ZNF516: variants seen among roughly 807,000 people sequenced by gnomAD.
The protein encoded by ZNF516 is zinc finger protein 516.
A neutral mutation model predicts 79.7 loss-of-function variants in ZNF516; 19 were observed. The observed-to-expected ratio is 0.24, with a 90% CI of 0.17 to 0.35. ZNF516 has a LOEUF of 0.35. Among genes scored for constraint, ZNF516 ranks in the 10% least tolerant of loss-of-function variants. The probability of loss-of-function intolerance (pLI) is 1.00; values close to 1 mark genes in which losing one functional copy is unlikely to be tolerated. For missense variants in ZNF516, 1,678 were observed against 1,679.5 expected, an observed-to-expected ratio of 1.00 and a Z score of 0.02; for synonymous variants, 877 against 739.5, an observed-to-expected ratio of 1.19 and a Z score of -3.02.
chr18:76,371,487 G>A lies in ZNF516; in HGVS notation c.3344C>T (p.Ala1115Val), dbSNP rs767343644. Residue 1115 changes from alanine (A) to valine (V), a missense_variant, in exon 5 of 7, where the codon GCC becomes GTC. By Grantham distance (64) the Ala-to-Val change is moderately conservative (BLOSUM62 0). Coordinates refer to ENST00000443185, the MANE Select transcript of ZNF516 (RefSeq NM_014643.4). Reference sequence around the variant, plus strand: ...GATACCTGAGTGTGCCCGCATGTGGGCCCTGAGGTGGCCGGGCTGGTGGAA... The same window carrying A: ...GATACCTGAGTGTGCCCGCATGTGGACCCTGAGGTGGCCGGGCTGGTGGAA... ...KSFHQPGHLR[A>V]HMRAHSVVFE... 1.2e-6 allele frequency: 2 copies of A among 1,608,768 alleles called. No individual in the cohort carries two copies. Among genetic ancestry groups the A allele is most frequent in the Non-Finnish European group, 1.7e-6 (2 of 1,179,774 alleles).
At chr18:76,495,828 C>G, upstream of ZNF516, 3 of 939,768 alleles carry the variant, frequency 3.2e-6, no homozygotes, top group Non-Finnish European at 4.0e-6. Context: ...GCGTGTCACT[C>G]AACTTCCTGG....
At chr18:76,444,326 G>C (rs1001619999) in intron 2 of ZNF516, among the ~76,000 whole-genome samples, 21 of 152,292 alleles carry the variant, frequency 1.4e-4, no homozygotes, top group East Asian at 9.6e-4. Context: ...CTGCTTCCAA[G>C]GGTCCAGAGA....
In ZNF516 at chr18:76,446,464, G is replaced by C. The variant is rs534400206; in HGVS notation, c.-157-3253C>G. 3.7e-4 allele frequency among the ~76,000 whole-genome samples: 57 copies of C among 152,334 alleles called. No individual in the cohort carries two copies. In the South Asian group the frequency reaches 0.012, roughly 31 times the overall value. On this transcript the variant is annotated intron_variant, in intron 2 of 6. Transcript: ENST00000443185. ...CATCCTGGGCCATGACCACGGCTGA[G>C]CGGAAGATGGCACAGTATCAAGGAG...
chr18:76,484,880 T>C (rs915375258), intron 1 of ZNF516, among the ~76,000 whole-genome samples: 5 of 152,228 alleles, frequency 3.3e-5, no homozygotes, highest in African/African-American at 9.6e-5. Flanking sequence ...AAGCCAATCT[T>C]CCTGTGAAAC....
In ZNF516 at chr18:76,362,397, T is replaced by C; in HGVS notation, c.*101A>G. ...CTGCTCAGGAGTTCCCCGGCTGTTC[T>C]TCCATGGAGCGGCCAGGTCACAGGT... is the stretch of plus-strand genomic sequence containing the variant. On this transcript the variant is annotated 3_prime_UTR_variant, in exon 7 of 7. Coordinates refer to ENST00000443185, the MANE Select transcript of ZNF516 (RefSeq NM_014643.4). 23 of 1,206,074 alleles carry C rather than the reference T, an allele frequency of 1.9e-5. No homozygotes were observed. Among genetic ancestry groups the C allele is most frequent in the Non-Finnish European group, 2.6e-5 (22 of 841,916 alleles). The allele number at this position is 1,206,074 out of a possible 1,614,324, so 74.7% of individuals were successfully genotyped here.
intron 1 of ZNF516, among the ~76,000 whole-genome samples, chr18:76,465,663 A>G (rs1469020941): frequency 2.0e-5 from 3 of 152,216 alleles, no homozygotes; most frequent in Non-Finnish European, 4.4e-5. Flanking sequence ...CCTGCGGGAG[A>G]AGGTTATCTT....
intron 2 of ZNF516, among the ~76,000 whole-genome samples, chr18:76,454,601 C>A (rs1912608211): frequency 6.8e-6 from 1 of 147,474 alleles, no homozygotes; most frequent in Non-Finnish European, 1.5e-5. Context: ...GGAGAGTGAT[C>A]TATCAGAGAA....
chr18:76,466,115 G>A (rs1479263320), intron 1 of ZNF516, among the ~76,000 whole-genome samples: 6 of 152,144 alleles, frequency 3.9e-5, no homozygotes, highest in South Asian at 4.1e-4. Flanking sequence ...CCTGGGTGAC[G>A]GTCTAAGCCA....
chr18:76,476,184 G>C (rs906907153), intron 1 of ZNF516, among the ~76,000 whole-genome samples: 1 of 152,190 alleles, frequency 6.6e-6, no homozygotes, highest in Non-Finnish European at 1.5e-5. Flanking sequence ...ACACAAATTT[G>C]TGGCTGGAAA....
chr18:76,374,580 A>G (rs2074757254), intron 4 of ZNF516, among the ~76,000 whole-genome samples: 1 of 152,370 alleles, frequency 6.6e-6, no homozygotes, highest in African/African-American at 2.4e-5. Context: ...CTGTCTTAGA[A>G]GCATCCTCCA....
At chr18:76,475,237 G>T (rs1254038251) in intron 1 of ZNF516, among the ~76,000 whole-genome samples, 1 of 152,178 alleles carries the variant, frequency 6.6e-6, no homozygotes, top group Non-Finnish European at 1.5e-5. Context: ...CGAAGTAACA[G>T]GTGATTCACA....
intron 2 of ZNF516, among the ~76,000 whole-genome samples, chr18:76,450,958 C>T (rs1438592938): frequency 6.6e-6 from 1 of 152,140 alleles, no homozygotes; most frequent in East Asian, 1.9e-4. Flanking sequence ...AAAAAGGCAC[C>T]GGAAGGCTAA....
rs1360077401 is a variant in ZNF516 at position 76,442,521 on chromosome 18, G to A, written c.534C>T (p.Phe178=). 2 of 1,600,870 alleles carry A rather than the reference G, an allele frequency of 1.2e-6. No homozygotes were observed. The highest frequency in any genetic ancestry group is 1.1e-5 in the South Asian group (1 of 91,082). The change falls in exon 3 of 7, where the codon TTC becomes TTT. Residue 178 remains phenylalanine, a synonymous_variant. Coordinates refer to ENST00000443185, the MANE Select transcript of ZNF516 (RefSeq NM_014643.4). The part of the protein sequence containing the change: ...GEAKAAVQCS[F]CKSQFERKKD... ...TCTTACGCTCGAACTGGCTCTTGCA[G>A]AAGGAGCACTGGACCGCTGCCTTGG...
intron 1 of ZNF516, among the ~76,000 whole-genome samples, chr18:76,488,961 G>T (rs1914998747): frequency 6.6e-6 from 1 of 152,178 alleles, no homozygotes; most frequent in Admixed American, 6.5e-5. Flanking sequence ...ACAAAATAAT[G>T]CATGTCTTCA....
At position 76,359,541 on chromosome 18, in the gene ZNF516, T is replaced by G. The variant is rs1382674200; in HGVS notation, c.*2957A>C. ...GCTGTGTGTTATTTGAACGCAAAAA[T>G]GAGGAAGAGATATGAGCAGGAAACA... On this transcript the variant is annotated 3_prime_UTR_variant, in exon 7 of 7. Transcript: ENST00000443185. 6.6e-6 allele frequency: 1 copy of G among 150,764 alleles called. No individual in the cohort carries two copies. The highest frequency in any genetic ancestry group is 2.1e-4 in the South Asian group (1 of 4,744). 9.3% of individuals were successfully genotyped at this position (150,764 alleles called of 1,614,324 possible). A position where few individuals can be genotyped will look rare whatever the true frequency, so the allele number is the denominator to read the frequency against.
At chr18:76,484,398 T>A (rs973279577) in intron 1 of ZNF516, among the ~76,000 whole-genome samples, 1 of 152,268 alleles carries the variant, frequency 6.6e-6, no homozygotes, top group Non-Finnish European at 1.5e-5. Flanking sequence ...CAAAGAAACA[T>A]AAACAATCAC....
rs1430455682 is a variant in ZNF516 at position 76,467,172 on chromosome 18, G to A, written c.-271-4031C>T. Among the ~76,000 whole-genome samples the A allele has an allele frequency of 1.6e-5, 2 of 123,324 alleles. No individual in the cohort carries two copies. The highest frequency in any genetic ancestry group is 3.4e-5 in the Non-Finnish European group (2 of 58,794). 80.9% of individuals were successfully genotyped at this position (123,324 alleles called of 152,430 possible). On this transcript the variant is annotated intron_variant, in intron 1 of 6. Transcript: ENST00000443185. The surrounding 1 kb of genome is among the most constrained non-coding windows in gnomAD (Gnocchi z 4.2). ...AGCTCACAGCCCTTCTGGGTTGGCA[G>A]GAAGTCCTGCGTGTCTCTCGGAACC...
At chr18:76,444,494 C>T (rs1409196578) in intron 2 of ZNF516, among the ~76,000 whole-genome samples, 1 of 152,186 alleles carries the variant, frequency 6.6e-6, no homozygotes, top group East Asian at 1.9e-4. Flanking sequence ...ATCTATAAAA[C>T]CCAAAGCAGC....
chr18:76,441,528 G>T lies in ZNF516; in HGVS notation c.1527C>A (p.Thr509=). 6.3e-7 allele frequency: 1 copy of T among 1,576,124 alleles called. No homozygotes were observed. Among genetic ancestry groups the T allele is most frequent in the Non-Finnish European group, 8.6e-7 (1 of 1,163,400 alleles). The change falls in exon 3 of 7, where the codon ACC becomes ACA. Residue 509 remains threonine (T), a synonymous_variant. Transcript: ENST00000443185. ...ARPNRRAAAT[T]GQGKSSECFE... is the part of the protein sequence containing the mutation. Reference sequence around the variant, plus strand: ...AGCACTCGGAGGACTTGCCCTGGCCGGTGGTGGCTGCGGCCCTGCGGTTGG... The same window carrying T: ...AGCACTCGGAGGACTTGCCCTGGCCTGTGGTGGCTGCGGCCCTGCGGTTGG...
Sources: allele counts gnomAD v4.1 joint callset (sites outside exome capture counted in the v4.1 genomes callset), GRCh38; gene constraint gnomAD v4.1.1; non-coding constraint Gnocchi (gnomAD v3.1); transcripts MANE v1.5; gene names NCBI Gene and HGNC (gene_info 2026-07-23, HGNC 2026-07-21).